The following TMPRSS9 variants were observed in gnomAD, a reference collection of about 807,000 sequenced individuals.
TMPRSS9 encodes transmembrane protease serine 9.
TMPRSS9 carries 113 observed loss-of-function variants against 111.4 expected under a neutral mutation model. That is an observed-to-expected ratio of 1.01 (90% CI 0.87 to 1.19). The LOEUF is 1.19. Ranked by LOEUF, TMPRSS9 falls within the 50% of genes most tolerant of loss-of-function variation. The pLI, the probability that TMPRSS9 is intolerant of heterozygous loss-of-function variation, is 0.00. For missense variants in TMPRSS9, 1,803 were observed against 1,513.1 expected, an observed-to-expected ratio of 1.19 and a Z score of -3.18; for synonymous variants, 805 against 659.1, an observed-to-expected ratio of 1.22 and a Z score of -3.39.
At chr19:2,417,874 A>G in intron 12 of TMPRSS9, 128 bp from the exon 14 acceptor site, 1 of 1,310,868 alleles carries the variant, frequency 7.6e-7, no homozygotes, top group Non-Finnish European at 1.1e-6. Context: ...GATTCCTGCA[A>G]CTCTGTGAGC....
chr19:2,396,217 C>T (rs1350455559), intron 1 of TMPRSS9: 5 of 246,464 alleles, frequency 2.0e-5, no homozygotes, highest in Non-Finnish European at 2.3e-5. Context: ...CAGGCATGAG[C>T]AGGACCTCTT....
At chr19:2,398,805 G>A (rs1308526737) in exon 3 of TMPRSS9, 8 of 1,472,516 alleles carry the variant, frequency 5.4e-6, no homozygotes, top group Admixed American at 4.1e-5. Flanking sequence ...TTTGTAAGTA[G>A]TTTTCAGAAG....
At chr19:2,399,226 CGAG>C in intron 4 of TMPRSS9, 33 bp downstream of exon 5, 1 of 1,547,000 alleles carries the variant, frequency 6.5e-7, no homozygotes, top group Non-Finnish European at 8.7e-7. Context: ...AACCCCATCA[CGAG>C]GAGGCTGGAG....
upstream of TMPRSS9, among the ~76,000 whole-genome samples, chr19:2,386,646 C>T (rs566431912): frequency 4.6e-5 from 7 of 152,258 alleles, no homozygotes; most frequent in South Asian, 2.1e-4. Flanking sequence ...GCTGCTTTAG[C>T]GTGACAATGG....
Position 2,410,238 on chromosome 19 carries a change from T to C in TMPRSS9, c.1118-20T>C. ...GGGCTCCGGCACTCTCACCCTGCTT[T>C]TCTCTCCCCATTCGGCCAGTGGTCA... On this transcript the variant is annotated intron_variant, in intron 8 of 17. Coordinates refer to ENST00000648592, the Ensembl canonical transcript of TMPRSS9. The C allele has an allele frequency of 3.1e-6, 5 of 1,613,190 alleles. No homozygotes were observed. The highest frequency in any genetic ancestry group is 2.7e-5 in the African/African-American group (2 of 74,986).
intron 1 of TMPRSS9, among the ~76,000 whole-genome samples, chr19:2,375,400 T>C (rs1258983767): frequency 7.3e-6 from 1 of 137,924 alleles, no homozygotes; most frequent in Non-Finnish European, 1.5e-5. Context: ...CAGGGTCTAG[T>C]GTGGACCAAT....
intron 11 of TMPRSS9, 32 bp downstream of exon 12, chr19:2,415,873 G>T: frequency 6.5e-7 from 1 of 1,542,906 alleles, no homozygotes; most frequent in South Asian, 1.2e-5. Context: ...AAGGCTGCCC[G>T]GCTTCCCCTC....
At chr19:2,394,407 T>A (rs1970665210) in intron 1 of TMPRSS9, among the ~76,000 whole-genome samples, 1 of 152,034 alleles carries the variant, frequency 6.6e-6, no homozygotes, top group Non-Finnish European at 1.5e-5. Flanking sequence ...TTTAAAAAAA[T>A]AAAAATGAGA....
intron 5 of TMPRSS9, 91 bp from the exon 7 acceptor site, chr19:2,402,991 G>T: frequency 2.3e-6 from 2 of 887,106 alleles, no homozygotes; most frequent in Non-Finnish European, 3.7e-6. Flanking sequence ...CCACATTTCC[G>T]TACCCTGGTG....
chr19:2,416,438 C>A, intron 11 of TMPRSS9, 100 bp from the exon 13 acceptor site: 2 of 1,478,146 alleles, frequency 1.4e-6, no homozygotes, highest in Non-Finnish European at 1.8e-6. Flanking sequence ...GCCCAGGCAG[C>A]CCTGTGTGGC....
chr19:2,416,040 G>A (rs1971223745), intron 11 of TMPRSS9, among the ~76,000 whole-genome samples, 199 bp downstream of exon 12: 3 of 152,138 alleles, frequency 2.0e-5, no homozygotes, highest in Admixed American at 6.5e-5. Context: ...GGGAGGGGGA[G>A]GAGGGTTCCT....
Position 2,390,893 on chromosome 19 carries a change from G to A in TMPRSS9, c.142+966G>A, listed in dbSNP as rs150759482. ...AATAATAAATTTAAAATAAGGCCGG[G>A]TGCAGTGGCTCATACCTGTAATCTC... On this transcript the variant is annotated intron_variant, in intron 1 of 17. Transcript: ENST00000648592. Among the ~76,000 whole-genome samples, 888 of 151,660 alleles carry A rather than the reference G, an allele frequency of 5.9e-3. 10 individuals carry two copies. Among genetic ancestry groups the A allele is most frequent in the Non-Finnish European group, 8.3e-3 (566 of 67,916 alleles).
Position 2,363,515 on chromosome 19 carries a change from G to A in TMPRSS9, c.-26+3155G>A, listed in dbSNP as rs73522367. Among the ~76,000 whole-genome samples the A allele has an allele frequency of 3.5e-3, 525 of 151,424 alleles. 2 individuals carry two copies. Among genetic ancestry groups the A allele is most frequent in the African/African-American group, 0.011 (469 of 41,240 alleles). Reference sequence around the variant, plus strand: ...TTGAGGTAGGAGCAGTTGTGGGGGGGTGGGGGGACAGGCGAGAGTGTGGGA... The same window carrying A: ...TTGAGGTAGGAGCAGTTGTGGGGGGATGGGGGGACAGGCGAGAGTGTGGGA... On this transcript the variant is annotated intron_variant, in intron 1 of 17. Coordinates refer to the TMPRSS9 transcript ENST00000649857.
At chr19:2,393,044 A>C (rs908645341) in intron 1 of TMPRSS9, among the ~76,000 whole-genome samples, 5 of 152,170 alleles carry the variant, frequency 3.3e-5, no homozygotes, top group African/African-American at 1.2e-4. Flanking sequence ...CGGACCAGTC[A>C]GCTCTCTGTA....
At position 2,363,692 on chromosome 19, in the gene TMPRSS9, C is replaced by T. The variant is rs564613558; in HGVS notation, c.-26+3332C>T. Among the ~76,000 whole-genome samples, 5 of 151,600 alleles carry T rather than the reference C, an allele frequency of 3.3e-5. No homozygotes were observed. In the East Asian group the frequency reaches 7.8e-4, roughly 24 times the overall value. On this transcript the variant is annotated intron_variant, in intron 1 of 17. Transcript: ENST00000649857. The stretch of plus-strand genomic sequence containing the variant: ...TGCGCCCCTCGGTCCCCCAGGCTCA[C>T]CTGGCTTAGCTGGGGAGCAGGGTTC...
intron 1 of TMPRSS9, among the ~76,000 whole-genome samples, chr19:2,377,410 C>A (rs552228027): frequency 5.6e-5 from 8 of 143,538 alleles, no homozygotes; most frequent in African/African-American, 1.6e-4. Context: ...GCTGGTATTA[C>A]AGGCATGAGC....
chr19:2,388,728 C>T (rs954066185), upstream of TMPRSS9, among the ~76,000 whole-genome samples: 1 of 152,120 alleles, frequency 6.6e-6, no homozygotes, highest in African/African-American at 2.4e-5. Flanking sequence ...TCAAGTGATC[C>T]TCCTGCCTCA....
At chr19:2,419,794 G>A (rs1378369310) in intron 13 of TMPRSS9, among the ~76,000 whole-genome samples, 1 of 152,182 alleles carries the variant, frequency 6.6e-6, no homozygotes, top group Non-Finnish European at 1.5e-5. Context: ...TAGGATGGCA[G>A]GCCTGAGCCA....
At chr19:2,392,894 CCAAT>C (rs1184379078) in intron 1 of TMPRSS9, among the ~76,000 whole-genome samples, 5 of 152,024 alleles carry the variant, frequency 3.3e-5, no homozygotes, top group African/African-American at 1.2e-4. Flanking sequence ...ACCAATCGCA[CCAAT>C]CAGTGTTCTG....
Sources: allele counts gnomAD v4.1 joint callset (sites outside exome capture counted in the v4.1 genomes callset), GRCh38; gene constraint gnomAD v4.1.1; transcripts MANE v1.5; gene names NCBI Gene and HGNC (gene_info 2026-07-23, HGNC 2026-07-21).